Variants in GPC5 observed in about 807,000 individuals in gnomAD.
GPC5 encodes the protein glypican 5, also known as glypican-5.
A neutral mutation model predicts 53.9 loss-of-function variants in GPC5; 47 were observed. That is an observed-to-expected ratio of 0.87 (90% CI 0.69 to 1.11). The LOEUF (loss-of-function observed/expected upper bound fraction) is 1.11. GPC5 is among the 50% of genes most tolerant of loss of function. GPC5 has a pLI of 0.00. For missense variants in GPC5, 748 were observed against 713.1 expected, an observed-to-expected ratio of 1.05 and a Z score of -0.56; for synonymous variants, 286 against 263.3, an observed-to-expected ratio of 1.09 and a Z score of -0.84.
chr13:92,316,537 A>G (rs1192793747), intron 7 of GPC5, among the ~76,000 whole-genome samples: 1 of 152,136 alleles, frequency 6.6e-6, no homozygotes, highest in Non-Finnish European at 1.5e-5. Flanking sequence ...ATAGCTTTCC[A>G]TAAAGAAAAG....
At chr13:92,227,589 C>T (rs542758036) in intron 7 of GPC5, among the ~76,000 whole-genome samples, 102 of 152,050 alleles carry the variant, frequency 6.7e-4, no homozygotes, top group Admixed American at 1.3e-3. Flanking sequence ...TCAAAAGAGA[C>T]AGAAAAACGA....
chr13:91,503,802 A>AAT (rs1884787408), intron 2 of GPC5, among the ~76,000 whole-genome samples: 1 of 143,490 alleles, frequency 7.0e-6, no homozygotes, highest in African/African-American at 2.7e-5. Context: ...TAATAATAAT[A>AAT]ATAATAATAA....
At chr13:92,618,714 C>T (rs896201566) in intron 7 of GPC5, among the ~76,000 whole-genome samples, 8 of 143,754 alleles carry the variant, frequency 5.6e-5, no homozygotes, top group Non-Finnish European at 4.5e-5. Context: ...AGCACTGTGA[C>T]TAAATGAAGT....
chr13:91,921,854 C>T (rs534055311), intron 6 of GPC5, among the ~76,000 whole-genome samples: 3 of 151,868 alleles, frequency 2.0e-5, no homozygotes, highest in Non-Finnish European at 2.9e-5. Context: ...TAGTCCTATC[C>T]TAGCTACTCC....
intron 7 of GPC5, among the ~76,000 whole-genome samples, chr13:92,544,412 G>C (rs1420786134): frequency 6.6e-6 from 1 of 152,154 alleles, no homozygotes; most frequent in Non-Finnish European, 1.5e-5. Flanking sequence ...ATTGCTCAAA[G>C]GAGTATTTAA....
chr13:92,086,389 C>T (rs760549693), intron 6 of GPC5, among the ~76,000 whole-genome samples: 4 of 152,168 alleles, frequency 2.6e-5, no homozygotes, highest in Non-Finnish European at 4.4e-5. Flanking sequence ...GGCCTCATAC[C>T]TTTTGATCTC....
chr13:92,216,510 G>T (rs549302972), intron 7 of GPC5, among the ~76,000 whole-genome samples: 5 of 152,304 alleles, frequency 3.3e-5, no homozygotes, highest in African/African-American at 4.8e-5. Flanking sequence ...GATCTGGAAA[G>T]TTCAGTTCCT....
chr13:92,162,058 A>AT (rs1294661636), intron 7 of GPC5, among the ~76,000 whole-genome samples: 5 of 146,870 alleles, frequency 3.4e-5, no homozygotes, highest in Non-Finnish European at 7.5e-5. Context: ...GTATCATAAG[A>AT]TTTTTTGTCA....
intron 7 of GPC5, among the ~76,000 whole-genome samples, chr13:92,790,013 G>A (rs1020443834): frequency 5.9e-5 from 9 of 152,106 alleles, no homozygotes; most frequent in African/African-American, 2.2e-4. Context: ...ATGTTCGAGG[G>A]CAGAAAGCAT....
In GPC5 at chr13:92,072,775, T is replaced by C. The variant is rs561842575; in HGVS notation, c.1402-72055T>C. The stretch of plus-strand genomic sequence containing the variant: ...TTTGTAGTAGAGGTGGGGTTTATGT[T>C]GGCCAGGCTGGTCTTGAATTCCTGC... On this transcript the variant is annotated intron_variant, in intron 6 of 7. Coordinates refer to ENST00000377067, the MANE Select transcript of GPC5 (RefSeq NM_004466.6). 4.5e-4 allele frequency among the ~76,000 whole-genome samples: 68 copies of C among 152,022 alleles called. 1 individual carries two copies. The highest frequency in any genetic ancestry group is 1.5e-3 in the African/African-American group (62 of 41,454).
At chr13:92,297,509 T>A (rs1390504582) in intron 7 of GPC5, among the ~76,000 whole-genome samples, 11 of 150,986 alleles carry the variant, frequency 7.3e-5, no homozygotes, top group Non-Finnish European at 1.2e-4. Flanking sequence ...AACACACCAA[T>A]CAGCACCCTG....
chr13:92,096,289 C>A (rs1427287249), intron 6 of GPC5, among the ~76,000 whole-genome samples: 1 of 152,256 alleles, frequency 6.6e-6, no homozygotes, highest in Non-Finnish European at 1.5e-5. Flanking sequence ...GCCATTCATG[C>A]AATGACTTCT....
chr13:92,169,146 A>G (rs1322232349), intron 7 of GPC5, among the ~76,000 whole-genome samples: 1 of 152,130 alleles, frequency 6.6e-6, no homozygotes, highest in Non-Finnish European at 1.5e-5. Context: ...ACGTGGACAA[A>G]GGAAGGGGAA....
At chr13:91,891,317 G>A (rs894668084) in intron 5 of GPC5, among the ~76,000 whole-genome samples, 14 of 152,106 alleles carry the variant, frequency 9.2e-5, no homozygotes, top group African/African-American at 3.4e-4. Flanking sequence ...CTGTCTTAAT[G>A]TTCCTAGGCT....
intron 6 of GPC5, among the ~76,000 whole-genome samples, chr13:92,075,054 G>A (rs969232444): frequency 6.6e-6 from 1 of 152,112 alleles, no homozygotes; most frequent in African/African-American, 2.4e-5. Flanking sequence ...TTGTGCATAT[G>A]CCTGTTTTGA....
At chr13:92,728,586 G>A (rs1015838605) in intron 7 of GPC5, among the ~76,000 whole-genome samples, 2 of 136,772 alleles carry the variant, frequency 1.5e-5, no homozygotes, top group African/African-American at 3.0e-5. Context: ...CTAGGAAAAC[G>A]GGGGTAGGAA....
chr13:91,722,194 C>T (rs1336504361), intron 3 of GPC5, among the ~76,000 whole-genome samples: 1 of 152,156 alleles, frequency 6.6e-6, no homozygotes, highest in Non-Finnish European at 1.5e-5. Flanking sequence ...TAATTGAAAT[C>T]CTTGGTCAAT....
intron 6 of GPC5, among the ~76,000 whole-genome samples, chr13:91,930,256 C>A (rs1451095227): frequency 6.6e-6 from 1 of 151,758 alleles, no homozygotes; most frequent in East Asian, 1.9e-4. Context: ...AAAAAGAACA[C>A]CAAAGAACAT....
chr13:92,605,638 G>GGACTGCA (rs1199470740), intron 7 of GPC5, among the ~76,000 whole-genome samples: 1 of 147,750 alleles, frequency 6.8e-6, no homozygotes, highest in Non-Finnish European at 1.5e-5. Context: ...GCCGGACTGC[G>GGACTGCA]GACTGCAGTG....
Sources: allele counts gnomAD v4.1 joint callset (sites outside exome capture counted in the v4.1 genomes callset), GRCh38; gene constraint gnomAD v4.1.1; transcripts MANE v1.5; gene names NCBI Gene and HGNC (gene_info 2026-07-23, HGNC 2026-07-21).